The following DPYS variants were observed in gnomAD, a reference collection of about 807,000 sequenced individuals.
The protein encoded by DPYS is dihydropyrimidine amidohydrolase.
DPYS carries 39 observed loss-of-function variants against 50.3 expected under a neutral mutation model. The observed-to-expected ratio is 0.78, with a 90% CI of 0.60 to 1.01. DPYS has a LOEUF of 1.01. DPYS is among the 50% of genes least tolerant of loss of function. The pLI, the probability that DPYS is intolerant of heterozygous loss-of-function variation, is 0.00. For missense variants in DPYS, 659 were observed against 680.9 expected, an observed-to-expected ratio of 0.97 and a Z score of 0.36; for synonymous variants, 245 against 250.7, an observed-to-expected ratio of 0.98 and a Z score of 0.22.
Position 104,467,033 on chromosome 8 carries a change from G to C in DPYS, c.-113C>G, listed in dbSNP as rs1814447351. On this transcript the variant is annotated 5_prime_UTR_variant, in exon 1 of 10. Coordinates refer to ENST00000351513, the MANE Select transcript of DPYS (RefSeq NM_001385.3). ...CAAGGTCCCCACCGACAGCCCCCGA[G>C]CTCTGCCTCAGGCTGCAAATCCGGA... 7.9e-7 allele frequency: 1 copy of C among 1,273,238 alleles called. No individual in the cohort carries two copies. The highest frequency in any genetic ancestry group is 1.6e-5 in the African/African-American group (1 of 63,134). 78.9% of individuals were successfully genotyped at this position (1,273,238 alleles called of 1,614,324 possible).
intron 7 of DPYS, among the ~76,000 whole-genome samples, chr8:104,406,767 A>G (rs550994241): frequency 5.1e-4 from 77 of 152,342 alleles, no homozygotes; most frequent in African/African-American, 1.8e-3. Flanking sequence ...AGTCATACAT[A>G]TGGATGTGTA....
intron 6 of DPYS, among the ~76,000 whole-genome samples, chr8:104,426,836 A>G (rs907153788): frequency 6.6e-6 from 1 of 152,220 alleles, no homozygotes; most frequent in East Asian, 1.9e-4. Context: ...ATTTTTTTCC[A>G]GACTTTAAAT....
intron 7 of DPYS, among the ~76,000 whole-genome samples, chr8:104,403,943 C>T (rs1442132602): frequency 6.6e-6 from 1 of 152,170 alleles, no homozygotes; most frequent in East Asian, 1.9e-4. Flanking sequence ...GAGAAGGTAA[C>T]AAGGCAAACA....
chr8:104,432,164 A>G (rs1379451293), intron 4 of DPYS, among the ~76,000 whole-genome samples: 2 of 152,224 alleles, frequency 1.3e-5, no homozygotes, highest in Non-Finnish European at 2.9e-5. Context: ...ATTAGGTTGT[A>G]TCGTCTCTAC....
chr8:104,397,486 G>A (rs973023190), intron 7 of DPYS, among the ~76,000 whole-genome samples: 15 of 152,188 alleles, frequency 9.9e-5, no homozygotes, highest in Non-Finnish European at 1.9e-4. Context: ...TTTGGGAACA[G>A]AACACTGAAG....
chr8:104,451,331 G>A lies in DPYS; in HGVS notation c.338C>T (p.Ala113Val), dbSNP rs372587190. ...AGCCCAGCTTCGCCAGGTCTCGAAGGCCTCAATGAGGGAGCCACCTTTCTG... is the reference window on the plus strand; with the variant it reads ...AGCCCAGCTTCGCCAGGTCTCGAAGACCTCAATGAGGGAGCCACCTTTCTG... ...IPQKGGSLIEAFETWRSWADP... is the reference protein window; with the variant it reads ...IPQKGGSLIEVFETWRSWADP... The change falls in exon 2 of 10, where the codon GCC becomes GTC. Residue 113 changes from alanine (A) to valine (V), a missense_variant. Coordinates refer to ENST00000351513, the MANE Select transcript of DPYS (RefSeq NM_001385.3). The A allele has an allele frequency of 1.9e-6, 3 of 1,614,068 alleles. No homozygotes were observed. Among genetic ancestry groups the A allele is most frequent in the East Asian group, 2.2e-5 (1 of 44,892 alleles).
chr8:104,397,218 G>A (rs969282692), intron 7 of DPYS, among the ~76,000 whole-genome samples: 2 of 152,122 alleles, frequency 1.3e-5, no homozygotes, highest in African/African-American at 4.8e-5. Context: ...TGACCCTGAC[G>A]ACATGGGGTG....
At position 104,392,797 on chromosome 8, in the gene DPYS, T is replaced by C; in HGVS notation, c.1430A>G (p.Lys477Arg). The change falls in exon 8 of 10, where the codon AAG becomes AGG. Residue 477 changes from lysine (K) to arginine (R), a missense_variant. Physicochemically the swap from Lys to Arg is conservative, Grantham distance 26 (BLOSUM62 2). Transcript: ENST00000351513. ...PFAEYIYKRI[K>R]QRDRTCTPTP... ...TGGCACACTCACCCGGTCTCGCTGC[T>C]TTATTCGTTTGTAAATATATTCAGC... 1 of 1,614,178 alleles carries C rather than the reference T, an allele frequency of 6.2e-7. No homozygotes were observed. The highest frequency in any genetic ancestry group is 2.2e-5 in the East Asian group (1 of 44,890).
intron 7 of DPYS, among the ~76,000 whole-genome samples, chr8:104,405,678 C>T (rs1411278325): frequency 3.3e-5 from 5 of 152,358 alleles, no homozygotes; most frequent in African/African-American, 4.8e-5. Flanking sequence ...AATCAGCTGG[C>T]GCTAATGTAG....
At chr8:104,429,897 C>T (rs1463980503) in intron 4 of DPYS, among the ~76,000 whole-genome samples, 196 bp from the exon 5 acceptor site, 1 of 152,058 alleles carries the variant, frequency 6.6e-6, no homozygotes, top group Non-Finnish European at 1.5e-5. Context: ...GAGAAATAAA[C>T]TTCTGTAAGT....
chr8:104,441,481 C>T (rs1339108195), intron 4 of DPYS, among the ~76,000 whole-genome samples: 1 of 152,134 alleles, frequency 6.6e-6, no homozygotes, highest in African/African-American at 2.4e-5. Context: ...GGAGATTATC[C>T]TGAATTAATC....
chr8:104,406,189 G>T (rs1286513973), intron 7 of DPYS, among the ~76,000 whole-genome samples: 1 of 152,204 alleles, frequency 6.6e-6, no homozygotes, highest in African/African-American at 2.4e-5. Flanking sequence ...AAGCTCTGCA[G>T]TGGTTAAAAG....
chr8:104,448,837 C>T (rs182028668), intron 2 of DPYS, among the ~76,000 whole-genome samples: 189 of 152,278 alleles, frequency 1.2e-3, no homozygotes, highest in African/African-American at 4.4e-3. Context: ...TTACTCATTG[C>T]TACCACTGTT....
chr8:104,409,327 G>C (rs1812098236), intron 7 of DPYS, among the ~76,000 whole-genome samples: 1 of 151,612 alleles, frequency 6.6e-6, no homozygotes, highest in African/African-American at 2.4e-5. Flanking sequence ...TCTACTAAGA[G>C]TACAAAAATT....
intron 5 of DPYS, among the ~76,000 whole-genome samples, chr8:104,428,438 T>C (rs1309907792): frequency 1.3e-5 from 2 of 152,226 alleles, no homozygotes; most frequent in Admixed American, 1.3e-4. Context: ...TAGAAATGAA[T>C]AGTCACATGT....
Position 104,465,247 on chromosome 8 carries a change from C to T in DPYS, c.264+1410G>A, listed in dbSNP as rs541766570. Among the ~76,000 whole-genome samples the T allele has an allele frequency of 5.4e-5, 7 of 130,600 alleles. No homozygotes were observed. The East Asian group carries it at 8.8e-4, about 16-fold the overall frequency. The allele number at this position is 130,600 out of a possible 152,430, so 85.7% of individuals were successfully genotyped here. ...AAGACTGTCAGCCTGTCCACAGTAA[C>T]ATGGGAATAGAAAGAAAGAGAGGGG... On this transcript the variant is annotated intron_variant, in intron 1 of 9. Transcript: ENST00000351513.
rs1200125523 is a variant in DPYS at position 104,466,966 on chromosome 8, G to T, written c.-46C>A. 2.9e-6 allele frequency: 4 copies of T among 1,367,688 alleles called. No homozygotes were observed. Among genetic ancestry groups the T allele is most frequent in the East Asian group, 3.0e-5 (1 of 33,266 alleles). The allele number at this position is 1,367,688 out of a possible 1,614,324, so 84.7% of individuals were successfully genotyped here. A position where few individuals can be genotyped will look rare whatever the true frequency, so the allele number is the denominator to read the frequency against. On this transcript the variant is annotated 5_prime_UTR_variant, in exon 1 of 10. Coordinates refer to ENST00000351513, the MANE Select transcript of DPYS (RefSeq NM_001385.3). ...CTACTCGGCCCGGGCTGCGCGCAGGGGCTGGGTTGGGCGGGCCGGGCGGGC... is the reference window on the plus strand; with the variant it reads ...CTACTCGGCCCGGGCTGCGCGCAGGTGCTGGGTTGGGCGGGCCGGGCGGGC...
At chr8:104,446,547 T>C (rs1052933850) in intron 3 of DPYS, among the ~76,000 whole-genome samples, 1 of 152,220 alleles carries the variant, frequency 6.6e-6, no homozygotes, top group Non-Finnish European at 1.5e-5. Flanking sequence ...CAGTCCAGAC[T>C]TAGAGTGGTA....
chr8:104,451,217 G>T, intron 2 of DPYS, 29 bp downstream of exon 2: 1 of 1,612,960 alleles, frequency 6.2e-7, no homozygotes, highest in South Asian at 1.1e-5. Context: ...AGAGGACAAT[G>T]GGAACACATT....
Sources: gnomAD v4.1 joint callset for allele counts (sites outside exome capture counted in the v4.1 genomes callset) on GRCh38, gnomAD v4.1.1 for gene constraint, MANE v1.5 for transcripts, NCBI Gene and HGNC (gene_info 2026-07-23, HGNC 2026-07-21) for gene names.